Variants in ADARB2 observed in about 807,000 individuals in gnomAD.
ADARB2 encodes adenosine deaminase RNA specific B2 (inactive).
In ADARB2, 25 loss-of-function variants were observed where a neutral mutation model predicts 62.2. The ratio of observed to expected loss-of-function variants is 0.40; its 90% CI spans 0.29 to 0.56. The LOEUF (loss-of-function observed/expected upper bound fraction) is 0.56. Ranked by LOEUF, ADARB2 falls within the 20% of genes least tolerant of loss-of-function variation. ADARB2 has a pLI of 0.43. For synonymous variants in ADARB2, 572 were observed against 500.8 expected, an observed-to-expected ratio of 1.14 and a Z score of -1.90; for missense variants, 1,071 against 1,077.4, an observed-to-expected ratio of 0.99 and a Z score of 0.08.
intron 1 of ADARB2, among the ~76,000 whole-genome samples, chr10:1,660,313 A>T (rs963708376): frequency 6.6e-6 from 1 of 152,260 alleles, no homozygotes. Flanking sequence ...TTCAACAAAC[A>T]TTTATTGAGC....
At chr10:1,537,093 A>G (rs1394604269) in intron 1 of ADARB2, among the ~76,000 whole-genome samples, 2 of 152,244 alleles carry the variant, frequency 1.3e-5, no homozygotes, top group East Asian at 3.8e-4. Flanking sequence ...CAGCCTCTAT[A>G]AGGAACTTAA....
At chr10:1,589,895 C>T (rs898482089) in intron 1 of ADARB2, among the ~76,000 whole-genome samples, 5 of 152,348 alleles carry the variant, frequency 3.3e-5, no homozygotes, top group Admixed American at 1.3e-4. Context: ...TGGTCTCAAA[C>T]TCCTGACCTC....
intron 8 of ADARB2, among the ~76,000 whole-genome samples, chr10:1,188,804 G>T (rs1836798678): frequency 6.6e-6 from 1 of 152,184 alleles, no homozygotes; most frequent in Non-Finnish European, 1.5e-5. Context: ...GGATGCTCAT[G>T]TCAGTCTCAC....
At position 1,634,086 on chromosome 10, in the gene ADARB2, G is replaced by A. The variant is rs563711268; in HGVS notation, c.100+102965C>T. 5.9e-5 allele frequency among the ~76,000 whole-genome samples: 9 copies of A among 151,990 alleles called. No individual in the cohort carries two copies. The South Asian group carries it at 8.3e-4, about 14-fold the overall frequency. ...CTCCTGGGGCCCCTCTCCCACCCTC[G>A]CCTGCTCCCACCTGCCCTCTGCGCC... On this transcript the variant is annotated intron_variant, in intron 1 of 9. Transcript: ENST00000381312.
intron 3 of ADARB2, among the ~76,000 whole-genome samples, chr10:1,362,521 G>A (rs867479970): frequency 3.3e-5 from 5 of 152,158 alleles, no homozygotes; most frequent in African/African-American, 4.8e-5. Context: ...GGGTCCTGCC[G>A]GGCAGAGTGA....
intron 1 of ADARB2, among the ~76,000 whole-genome samples, chr10:1,462,566 T>C (rs1227383345): frequency 6.6e-6 from 1 of 152,168 alleles, no homozygotes; most frequent in Non-Finnish European, 1.5e-5. Flanking sequence ...TGCCTGTGTG[T>C]ATGTGCCTGT....
intron 4 of ADARB2, among the ~76,000 whole-genome samples, chr10:1,264,362 T>C (rs77459952): frequency 0.021 from 3,231 of 152,214 alleles, 107 homozygotes; most frequent in African/African-American, 0.069. Flanking sequence ...TTTTGAAAAA[T>C]TGGGGGAATA....
chr10:1,596,722 G>A (rs1037080446), intron 1 of ADARB2, among the ~76,000 whole-genome samples: 1 of 152,222 alleles, frequency 6.6e-6, no homozygotes, highest in Non-Finnish European at 1.5e-5. Flanking sequence ...GGGACACAGA[G>A]CACAACCGGA....
At chr10:1,575,266 A>G (rs570897488) in intron 1 of ADARB2, among the ~76,000 whole-genome samples, 2 of 152,280 alleles carry the variant, frequency 1.3e-5, no homozygotes, top group Non-Finnish European at 2.9e-5. Context: ...TAAAACTAAT[A>G]TATTCCCCTG....
intron 1 of ADARB2, among the ~76,000 whole-genome samples, chr10:1,501,219 C>T (rs1831764759): frequency 6.6e-6 from 1 of 152,186 alleles, no homozygotes; most frequent in Non-Finnish European, 1.5e-5. Context: ...GTTTGGGCAG[C>T]TTAAACATTC....
intron 1 of ADARB2, among the ~76,000 whole-genome samples, chr10:1,407,556 T>C (rs576726414): frequency 3.3e-5 from 5 of 152,264 alleles, no homozygotes; most frequent in South Asian, 4.1e-4. Flanking sequence ...CATTGCTTCC[T>C]GGGGCCTCAG....
At chr10:1,594,846 T>A (rs1311392810) in intron 1 of ADARB2, among the ~76,000 whole-genome samples, 1 of 152,104 alleles carries the variant, frequency 6.6e-6, no homozygotes, top group Non-Finnish European at 1.5e-5. Flanking sequence ...TCCCACCACT[T>A]CGTTGTATCG....
intron 1 of ADARB2, among the ~76,000 whole-genome samples, chr10:1,587,821 C>T (rs981854625): frequency 3.9e-5 from 6 of 152,056 alleles, no homozygotes; most frequent in African/African-American, 7.2e-5. Context: ...ACTATTCTCA[C>T]GGTAGTGAGC....
At chr10:1,376,330 CTTAAAG>C (rs1322474216) in intron 2 of ADARB2, among the ~76,000 whole-genome samples, 2 of 152,360 alleles carry the variant, frequency 1.3e-5, no homozygotes, top group Admixed American at 6.5e-5. Context: ...CCATAAATAA[CTTAAAG>C]TTATTGTTAC....
At chr10:1,535,881 G>A (rs1462789684) in intron 1 of ADARB2, among the ~76,000 whole-genome samples, 1 of 152,210 alleles carries the variant, frequency 6.6e-6, no homozygotes, top group Non-Finnish European at 1.5e-5. Flanking sequence ...GGGGGCCAGG[G>A]TGTGGTCAGG....
chr10:1,643,318 T>C (rs1325054998), intron 1 of ADARB2, among the ~76,000 whole-genome samples: 1 of 152,208 alleles, frequency 6.6e-6, no homozygotes, highest in African/African-American at 2.4e-5. Flanking sequence ...TCTGCACCTA[T>C]AAACTTAGCC....
At chr10:1,285,113 C>T (rs552361971) in intron 3 of ADARB2, among the ~76,000 whole-genome samples, 2 of 151,506 alleles carry the variant, frequency 1.3e-5, no homozygotes, top group Non-Finnish European at 2.9e-5. Context: ...ACAGAAAAGT[C>T]ATCTGCAGCA....
rs552701851 is a variant in ADARB2 at position 1,179,726 on chromosome 10, A to T, written c.*3467T>A. 1 of 152,420 alleles carries T rather than the reference A, an allele frequency of 6.6e-6. No homozygotes were observed. The highest frequency in any genetic ancestry group is 1.5e-5 in the Non-Finnish European group (1 of 68,044). 9.4% of individuals were successfully genotyped at this position (152,420 alleles called of 1,614,324 possible). A position where few individuals can be genotyped will look rare whatever the true frequency, so the allele number is the denominator to read the frequency against. On this transcript the variant is annotated 3_prime_UTR_variant, in exon 10 of 10. Coordinates refer to ENST00000381312, the MANE Select transcript of ADARB2 (RefSeq NM_018702.4). ...TAGGGGCCTAAGCAGGCATGAATATAGACTACAGAAAATCTGAAGCAAGGG... is the reference window on the plus strand; with the variant it reads ...TAGGGGCCTAAGCAGGCATGAATATTGACTACAGAAAATCTGAAGCAAGGG...
chr10:1,650,099 T>A lies in ADARB2; in HGVS notation c.100+86952A>T, dbSNP rs1177705170. Among the ~76,000 whole-genome samples the A allele has an allele frequency of 3.3e-5, 5 of 152,232 alleles. No individual in the cohort carries two copies. In the East Asian group the frequency reaches 9.6e-4, roughly 29 times the overall value. ...TTGCTCTTGCTGTTGTTCCCCATGG[T>A]GGACGCTTGCCATAAATATGGTGGT... On this transcript the variant is annotated intron_variant, in intron 1 of 9. Transcript: ENST00000381312.
Sources: allele counts gnomAD v4.1 joint callset (sites outside exome capture counted in the v4.1 genomes callset), GRCh38; gene constraint gnomAD v4.1.1; transcripts MANE v1.5; gene names NCBI Gene and HGNC (gene_info 2026-07-23, HGNC 2026-07-21).